ARHGEF2: variants seen among roughly 807,000 people sequenced by gnomAD.
ARHGEF2 encodes the protein Rho/Rac guanine nucleotide exchange factor 2.
Under a neutral mutation model 121.0 loss-of-function variants are expected in ARHGEF2, and 22 were observed. The ratio of observed to expected loss-of-function variants is 0.18; its 90% CI spans 0.13 to 0.26. ARHGEF2 has a LOEUF of 0.26. Ranked by LOEUF, ARHGEF2 falls within the 10% of genes least tolerant of loss-of-function variation. ARHGEF2 has a pLI of 1.00. For synonymous variants in ARHGEF2, 487 were observed against 530.0 expected, an observed-to-expected ratio of 0.92 and a Z score of 1.11; for missense variants, 907 against 1,336.0, an observed-to-expected ratio of 0.68 and a Z score of 5.01.
rs1400224848 is a variant in ARHGEF2, at chr1:155,952,216, C to T, written c.2004G>A (p.Leu668=). 3 of 1,614,152 alleles carry T rather than the reference C, an allele frequency of 1.9e-6. No homozygotes were observed. Among genetic ancestry groups the T allele is most frequent in the African/African-American group, 2.7e-5 (2 of 75,054 alleles). The change falls in exon 16 of 22, where the codon CTG becomes CTA. Residue 668 remains leucine (L), a synonymous_variant. Coordinates refer to ENST00000361247, the MANE Select transcript of ARHGEF2 (RefSeq NM_001162383.2). ...AIREVEGLKD[L]LVGPGVELLL... ...GCAGTTCCACTCCTGGCCCCACCAG[C>T]AGGTCTTTCAGACCCTCCACTGTGG...
At chr1:155,957,044 A>C (rs947112003) in intron 13 of ARHGEF2, among the ~76,000 whole-genome samples, 5 of 152,098 alleles carry the variant, frequency 3.3e-5, no homozygotes, top group Non-Finnish European at 7.4e-5. Context: ...AAATTAAAAA[A>C]AAAAAAGAAA....
In ARHGEF2 at chr1:155,963,106, C is replaced by T; in HGVS notation, c.802G>A (p.Glu268Lys). Residue 268 changes from glutamate (E) to lysine (K), a missense_variant, in exon 8 of 22, where the codon GAG (glutamate) becomes AAG (lysine). Transcript: ENST00000361247. ...TRLFRTGMLE[E>K]LHLEPGVVQG... Reference sequence around the variant, plus strand: ...ACCACTCCTGGCTCCAAGTGTAGCTCTTCCAGCATCCCCGTGCGGAAGAGG... The same window carrying T: ...ACCACTCCTGGCTCCAAGTGTAGCTTTTCCAGCATCCCCGTGCGGAAGAGG... 6.2e-7 allele frequency: 1 copy of T among 1,614,098 alleles called. No individual in the cohort carries two copies. The highest frequency in any genetic ancestry group is 8.5e-7 in the Non-Finnish European group (1 of 1,180,024).
At chr1:155,964,167 A>ATATATAT (rs1449851145) in intron 7 of ARHGEF2, among the ~76,000 whole-genome samples, 2 of 91,192 alleles carry the variant, frequency 2.2e-5, no homozygotes, top group African/African-American at 1.2e-4. Flanking sequence ...AAAAAAAAAA[A>ATATATAT]ATATATATAT....
chr1:155,959,526 G>A (rs1271131855), intron 11 of ARHGEF2, among the ~76,000 whole-genome samples: 1 of 151,732 alleles, frequency 6.6e-6, no homozygotes, highest in South Asian at 2.1e-4. Context: ...GGGATTACAG[G>A]CATCAGCCAC....
intron 14 of ARHGEF2, 88 bp from the exon 15 acceptor site, chr1:155,952,916 G>T: frequency 1.6e-6 from 2 of 1,260,522 alleles, no homozygotes; most frequent in Non-Finnish European, 1.1e-6. Flanking sequence ...AGAGGGGTAG[G>T]GTGGGGCAGT....
intron 1 of ARHGEF2, among the ~76,000 whole-genome samples, chr1:155,973,914 A>G (rs2102691998): frequency 6.6e-6 from 1 of 152,172 alleles, no homozygotes; most frequent in Non-Finnish European, 1.5e-5. Context: ...GGGGAAGGCA[A>G]TGCCAAGGCT....
At chr1:155,966,142 G>A (rs1437441101) in intron 4 of ARHGEF2, among the ~76,000 whole-genome samples, 1 of 152,040 alleles carries the variant, frequency 6.6e-6, no homozygotes, top group African/African-American at 2.4e-5. Context: ...CAACACTCCC[G>A]AAATGCAGTG....
Position 155,962,363 on chromosome 1 carries a change from G to C in ARHGEF2, c.1102-141C>G. ...ATATCTGGAAAATGGGGATAACAAC[G>C]CCACAGGTTTGTTGTGAGGACCAAC... is the stretch of plus-strand genomic sequence containing the variant. On this transcript the variant is annotated intron_variant, in intron 9 of 21. Coordinates refer to ENST00000361247, the MANE Select transcript of ARHGEF2 (RefSeq NM_001162383.2). The surrounding 1 kb of genome is among the most constrained non-coding windows in gnomAD (Gnocchi z 5.8). 9.6e-7 allele frequency: 1 copy of C among 1,039,620 alleles called. No homozygotes were observed. The highest frequency in any genetic ancestry group is 1.4e-6 in the Non-Finnish European group (1 of 712,276). 64.4% of individuals were successfully genotyped at this position (1,039,620 alleles called of 1,614,324 possible).
rs1678054242 is a variant in ARHGEF2, at chr1:155,962,024, C to A, written c.1219+81G>T. On this transcript the variant is annotated intron_variant, in intron 10 of 21. Transcript: ENST00000361247. The surrounding 1 kb of genome is among the most constrained non-coding windows in gnomAD (Gnocchi z 5.8). ...GCCCAGGGTTTCACACCCGACCCCA[C>A]CCTTCCTGTGGTCATACCGAGCCTT... 1.2e-6 allele frequency: 2 copies of A among 1,603,408 alleles called. No individual in the cohort carries two copies. Among genetic ancestry groups the A allele is most frequent in the Non-Finnish European group, 1.7e-6 (2 of 1,172,000 alleles).
chr1:155,966,497 GGA>G lies in ARHGEF2; in HGVS notation c.277-20_277-19del, dbSNP rs775822806. On this transcript the variant is annotated intron_variant, in intron 3 of 21. Transcript: ENST00000361247. ...TTCTGTTGCTGTGAGACAGAGAGCAGGAGAGAGATACCAAGAATGGCTGTCAC... is the reference window on the plus strand; with the variant it reads ...TTCTGTTGCTGTGAGACAGAGAGCAGGAGAGATACCAAGAATGGCTGTCAC... 10 of 1,613,878 alleles carry G rather than the reference GGA, an allele frequency of 6.2e-6. No homozygotes were observed. The highest frequency in any genetic ancestry group is 8.5e-6 in the Non-Finnish European group (10 of 1,179,872).
intron 1 of ARHGEF2, among the ~76,000 whole-genome samples, chr1:155,976,994 C>A (rs1015627130): frequency 2.0e-5 from 3 of 152,126 alleles, no homozygotes; most frequent in Non-Finnish European, 2.9e-5. Flanking sequence ...CAGGATGGAA[C>A]CTCTGTCTCT....
intron 13 of ARHGEF2, among the ~76,000 whole-genome samples, chr1:155,957,457 A>C (rs1676919969): frequency 6.6e-6 from 1 of 152,248 alleles, no homozygotes; most frequent in Non-Finnish European, 1.5e-5. Context: ...ACCATGTGAC[A>C]GCTCAAAGTA....
chr1:155,976,246 C>T (rs1212117389), intron 1 of ARHGEF2, among the ~76,000 whole-genome samples: 1 of 151,904 alleles, frequency 6.6e-6, no homozygotes. Flanking sequence ...AGAAAGGAGA[C>T]AGCTGGTGTG....
rs970015412 is a variant in ARHGEF2 at position 155,965,909 on chromosome 1, T to C, written c.341-149A>G. The C allele has an allele frequency of 1.0e-6, 1 of 1,004,656 alleles. No individual in the cohort carries two copies. Among genetic ancestry groups the C allele is most frequent in the South Asian group, 1.9e-5 (1 of 51,624 alleles). 62.2% of individuals were successfully genotyped at this position (1,004,656 alleles called of 1,614,324 possible). On this transcript the variant is annotated intron_variant, in intron 4 of 21. Coordinates refer to ENST00000361247, the MANE Select transcript of ARHGEF2 (RefSeq NM_001162383.2). The surrounding 1 kb of genome is among the most constrained non-coding windows in gnomAD (Gnocchi z 6.0). ...GAAAGATGGTAATGAGAATGCCACC[T>C]TACATTTGTGCCATACTCTAATGTT...
chr1:155,950,524 G>A lies in ARHGEF2; in HGVS notation c.2704-42C>T. The A allele has an allele frequency of 1.9e-6, 3 of 1,591,690 alleles. No individual in the cohort carries two copies. In the African/African-American group the frequency reaches 4.0e-5, roughly 21 times the overall value. On this transcript the variant is annotated intron_variant, in intron 20 of 21. Transcript: ENST00000361247. The surrounding 1 kb of genome is among the most constrained non-coding windows in gnomAD (Gnocchi z 5.2). ...GGAAGAACAGCAGGTCAGGGACTGA[G>A]TAGTGTGAAGATTGGAGGTTCTGCT...
rs1678233137 is a variant in ARHGEF2 at position 155,962,756 on chromosome 1, C to T, written c.976-38G>A. ...CGAGTAAGGTTAGGTCAGCATTCCCCCAAAGCCACACTTTACCCACTGGAC... is the reference window on the plus strand; with the variant it reads ...CGAGTAAGGTTAGGTCAGCATTCCCTCAAAGCCACACTTTACCCACTGGAC... On this transcript the variant is annotated intron_variant, in intron 8 of 21. Transcript: ENST00000361247. The surrounding 1 kb of genome is among the most constrained non-coding windows in gnomAD (Gnocchi z 5.8). The T allele has an allele frequency of 6.2e-7, 1 of 1,612,720 alleles. No individual in the cohort carries two copies. The highest frequency in any genetic ancestry group is 8.5e-7 in the Non-Finnish European group (1 of 1,179,364).
At chr1:155,978,631 G>A, upstream of ARHGEF2, 2 of 1,234,054 alleles carry the variant, frequency 1.6e-6, no homozygotes, top group Non-Finnish European at 2.0e-6. This position sits in a 1 kb window ranked among gnomAD's most constrained non-coding sequence, Gnocchi z 4.1. Context: ...GCGGAGCGGA[G>A]GGAGGGCGGG....
In ARHGEF2 at chr1:155,951,264, C is replaced by A; in HGVS notation, c.2268G>T (p.Val756=). The part of the protein sequence containing the change: ...YGLLHGLQAA[V]AQQDTLMEAR... The stretch of plus-strand genomic sequence containing the variant: ...CTTCCATCAGAGTGTCCTGCTGGGC[C>A]ACAGCTGCCTGGGAGTAGAATGCAG... The change falls in exon 20 of 22, where the codon GTG becomes GTT. Residue 756 remains valine (V), a synonymous_variant. Coordinates refer to ENST00000361247, the MANE Select transcript of ARHGEF2 (RefSeq NM_001162383.2). This position sits in a 1 kb window ranked among gnomAD's most constrained non-coding sequence, Gnocchi z 5.1. The A allele has an allele frequency of 6.2e-7, 1 of 1,601,672 alleles. No individual in the cohort carries two copies. The highest frequency in any genetic ancestry group is 8.5e-7 in the Non-Finnish European group (1 of 1,171,878).
At chr1:155,975,598 C>A (rs1681167003) in intron 1 of ARHGEF2, among the ~76,000 whole-genome samples, 1 of 152,094 alleles carries the variant, frequency 6.6e-6, no homozygotes, top group African/African-American at 2.4e-5. Context: ...CACCGTCAGC[C>A]CTCTCAGCTC....
Sources: allele counts gnomAD v4.1 joint callset (sites outside exome capture counted in the v4.1 genomes callset), GRCh38; gene constraint gnomAD v4.1.1; non-coding constraint Gnocchi (gnomAD v3.1); transcripts MANE v1.5; gene names NCBI Gene and HGNC (gene_info 2026-07-23, HGNC 2026-07-21).